The following INSC variants were observed in gnomAD, a reference collection of about 807,000 sequenced individuals.
The protein encoded by INSC is INSC spindle orientation adaptor protein.
In INSC, 67 loss-of-function variants were observed where a neutral mutation model predicts 58.6. The ratio of observed to expected loss-of-function variants is 1.14; its 90% CI spans 0.94 to 1.40. The LOEUF is 1.40. Ranked by LOEUF, INSC falls within the 40% of genes most tolerant of loss-of-function variation. The pLI is 0.00. For missense variants in INSC, 714 were observed against 692.0 expected, an observed-to-expected ratio of 1.03 and a Z score of -0.36; for synonymous variants, 262 against 276.1, an observed-to-expected ratio of 0.95 and a Z score of 0.51.
chr11:15,207,665 C>G (rs922340616), intron 7 of INSC, among the ~76,000 whole-genome samples: 1 of 152,186 alleles, frequency 6.6e-6, no homozygotes, highest in African/African-American at 2.4e-5. Flanking sequence ...TGGGGAGGCT[C>G]TGTGGCCCCA....
intron 2 of INSC, among the ~76,000 whole-genome samples, chr11:15,173,479 A>G (rs1192325555): frequency 2.6e-5 from 4 of 152,188 alleles, no homozygotes; most frequent in Non-Finnish European, 4.4e-5. Flanking sequence ...GTTGTCTGCA[A>G]TCAAACCGTA....
At chr11:15,166,309 C>T (rs1159857498) in intron 2 of INSC, among the ~76,000 whole-genome samples, 1 of 152,190 alleles carries the variant, frequency 6.6e-6, no homozygotes, top group Non-Finnish European at 1.5e-5. Context: ...CCAACCAGAG[C>T]ATTGCTTAGT....
At chr11:15,215,303 G>T (rs1224111619) in intron 7 of INSC, among the ~76,000 whole-genome samples, 1 of 152,208 alleles carries the variant, frequency 6.6e-6, no homozygotes. Flanking sequence ...TGTTCTCTTG[G>T]CATCATTAAG....
intron 7 of INSC, among the ~76,000 whole-genome samples, chr11:15,216,129 C>A (rs1026721201): frequency 6.6e-6 from 1 of 152,112 alleles, no homozygotes; most frequent in Non-Finnish European, 1.5e-5. Flanking sequence ...GGGCTGGCAG[C>A]AAAACCTGGT....
At chr11:15,217,369 G>A (rs1851259617) in intron 7 of INSC, among the ~76,000 whole-genome samples, 2 of 152,226 alleles carry the variant, frequency 1.3e-5, no homozygotes, top group Admixed American at 6.5e-5. Flanking sequence ...TACAGTTCAA[G>A]GTGAGATTTG....
In INSC at chr11:15,230,645, C is replaced by T. The variant is rs779411195; in HGVS notation, c.1170+4817C>T. 2.6e-5 allele frequency among the ~76,000 whole-genome samples: 4 copies of T among 152,224 alleles called. No individual in the cohort carries two copies. The East Asian group carries it at 7.7e-4, about 29-fold the overall frequency. ...CAGGATCACAACACCCTGTCCTGACCTGCTCCAGAAACCCTTCCCTACAAA... is the reference window on the plus strand; with the variant it reads ...CAGGATCACAACACCCTGTCCTGACTTGCTCCAGAAACCCTTCCCTACAAA... On this transcript the variant is annotated intron_variant, in intron 9 of 12. Coordinates refer to ENST00000379556, the MANE Select transcript of INSC (RefSeq NM_001042536.3).
chr11:15,223,927 G>A lies in INSC; in HGVS notation c.992-1723G>A, dbSNP rs71482971. 3.1e-3 allele frequency among the ~76,000 whole-genome samples: 469 copies of A among 152,302 alleles called. 2 individuals carry two copies. Among genetic ancestry groups the A allele is most frequent in the Non-Finnish European group, 5.6e-3 (381 of 68,026 alleles). On this transcript the variant is annotated intron_variant, in intron 8 of 12. Transcript: ENST00000379556. ...AGAGGGAGGCATTACCCTCCTGATA[G>A]AACCAAAACCCACATCTGTGGAAGC...
the INSC span, among the ~76,000 whole-genome samples, chr11:15,263,289 C>T: frequency 6.6e-6 from 1 of 152,064 alleles, no homozygotes; most frequent in African/African-American, 2.4e-5. Context: ...AGGCAGAGAT[C>T]ATATCTGAAG....
intron 9 of INSC, among the ~76,000 whole-genome samples, chr11:15,228,030 A>G (rs188067046): frequency 2.7e-4 from 41 of 152,350 alleles, no homozygotes; most frequent in East Asian, 1.7e-3. Context: ...AAATGGAAAC[A>G]AATAATACAT....
At chr11:15,190,609 G>A in intron 5 of INSC, 92 bp from the exon 6 acceptor site, 1 of 854,224 alleles carries the variant, frequency 1.2e-6, no homozygotes, top group Non-Finnish European at 2.0e-6. Flanking sequence ...CATGGTTGCT[G>A]TTAGGAGCAT....
intron 9 of INSC, among the ~76,000 whole-genome samples, chr11:15,234,720 T>C (rs1469813656): frequency 6.6e-6 from 1 of 152,208 alleles, no homozygotes; most frequent in African/African-American, 2.4e-5. Flanking sequence ...CATCTTGCTA[T>C]TTATGTCAGG....
chr11:15,210,497 T>C (rs139333303), intron 7 of INSC, among the ~76,000 whole-genome samples: 52 of 117,124 alleles, frequency 4.4e-4, no homozygotes, highest in Non-Finnish European at 7.0e-4. Context: ...AGCTCTGCAT[T>C]TGAGAGTTTG....
chr11:15,121,705 C>T (rs889201552), intron 1 of INSC, among the ~76,000 whole-genome samples: 3 of 152,128 alleles, frequency 2.0e-5, no homozygotes, highest in African/African-American at 7.2e-5. Context: ...TTATTTCTTC[C>T]GTATTTAGTA....
At chr11:15,112,794 A>T (rs2133662408), upstream of INSC, among the ~76,000 whole-genome samples, 1 of 152,268 alleles carries the variant, frequency 6.6e-6, no homozygotes, top group East Asian at 1.9e-4. Flanking sequence ...TCTGTTTATG[A>T]TCTAAGCCTC....
the INSC span, among the ~76,000 whole-genome samples, chr11:15,256,491 A>AG: frequency 0.31 from 43,660 of 141,798 alleles, 7,050 homozygotes; most frequent in African/African-American, 0.38. Flanking sequence ...ATTTCATTTC[A>AG]TTTTTTTTTT....
At chr11:15,132,474 T>C (rs1406583105) in intron 1 of INSC, among the ~76,000 whole-genome samples, 1 of 152,118 alleles carries the variant, frequency 6.6e-6, no homozygotes, top group Non-Finnish European at 1.5e-5. Flanking sequence ...TTTGTAGAGA[T>C]GGAGCCTGCA....
intron 7 of INSC, among the ~76,000 whole-genome samples, chr11:15,216,722 AGT>A (rs1310539876): frequency 6.6e-6 from 1 of 152,206 alleles, no homozygotes; most frequent in Non-Finnish European, 1.5e-5. Context: ...TTTGGGCCCC[AGT>A]GCAAAGAGCT....
At chr11:15,198,653 T>C (rs1050860609) in intron 6 of INSC, among the ~76,000 whole-genome samples, 2 of 152,084 alleles carry the variant, frequency 1.3e-5, no homozygotes, top group Non-Finnish European at 2.9e-5. Context: ...AGCACACACA[T>C]ATATAAATAT....
chr11:15,166,215 C>T (rs1240621566), intron 2 of INSC, among the ~76,000 whole-genome samples: 1 of 152,142 alleles, frequency 6.6e-6, no homozygotes, highest in Non-Finnish European at 1.5e-5. Context: ...TATATACCCA[C>T]AACTCACCAG....
Sources: gnomAD v4.1 joint callset for allele counts (sites outside exome capture counted in the v4.1 genomes callset) on GRCh38, gnomAD v4.1.1 for gene constraint, MANE v1.5 for transcripts, NCBI Gene and HGNC (gene_info 2026-07-23, HGNC 2026-07-21) for gene names.